GRAMD1B: variants seen among roughly 807,000 people sequenced by gnomAD.
The protein encoded by GRAMD1B is GRAM domain containing 1B.
GRAMD1B carries 37 observed loss-of-function variants against 99.7 expected under a neutral mutation model. The observed-to-expected ratio is 0.37, with a 90% confidence interval of 0.29 to 0.49. GRAMD1B has a LOEUF of 0.49. GRAMD1B is among the 20% of genes least tolerant of loss of function. GRAMD1B has a pLI of 0.98. For synonymous variants in GRAMD1B, 427 were observed against 387.6 expected (o/e 1.10, Z -1.19); for missense variants, 888 against 1,009.2 (o/e 0.88, Z 1.63).
chr11:123,455,600 T>C (rs997451823), intron 1 of GRAMD1B, among the ~76,000 whole-genome samples: 1 of 152,220 alleles, frequency 6.6e-6, no homozygotes. Context: ...TGGAGTGATC[T>C]GCATGGATTC....
chr11:123,373,903 A>G (rs1338289239), intron 1 of GRAMD1B, among the ~76,000 whole-genome samples: 4 of 152,178 alleles, frequency 2.6e-5, no homozygotes, highest in Admixed American at 6.5e-5. Flanking sequence ...TTTGCTAATT[A>G]TTTGGCTCTC....
rs150602476 is a variant in GRAMD1B at position 123,625,675 on chromosome 11, A to C, written c.*3080A>C. 5.8e-4 allele frequency: 89 copies of C among 152,542 alleles called. No homozygotes were observed. Among genetic ancestry groups the C allele is most frequent in the African/African-American group, 2.0e-3 (83 of 41,554 alleles). The allele number at this position is 152,542 out of a possible 1,614,324, so 9.4% of individuals were successfully genotyped here. ...AAGTCACTCCCCCTCTCTGAGCTTC[A>C]GTATCCTCCTGTCACAGGAGGGAGT... On this transcript the variant is annotated 3_prime_UTR_variant, in exon 20 of 20. Coordinates refer to ENST00000635736, the MANE Select transcript of GRAMD1B (RefSeq NM_001387025.1).
intron 1 of GRAMD1B, among the ~76,000 whole-genome samples, chr11:123,462,222 C>T (rs892351825): frequency 1.2e-4 from 19 of 152,198 alleles, no homozygotes; most frequent in Non-Finnish European, 2.4e-4. Context: ...CCGCCTTGGC[C>T]TCCCAAAGTG....
intron 1 of GRAMD1B, among the ~76,000 whole-genome samples, chr11:123,466,612 A>G (rs1306285246): frequency 6.6e-6 from 1 of 152,134 alleles, no homozygotes; most frequent in Non-Finnish European, 1.5e-5. Context: ...GATACTCTGC[A>G]TTGGGAAGCA....
chr11:123,436,936 A>C (rs563541988), intron 1 of GRAMD1B, among the ~76,000 whole-genome samples: 2 of 152,132 alleles, frequency 1.3e-5, no homozygotes, highest in African/African-American at 4.8e-5. Flanking sequence ...CTGGTGTGTG[A>C]TGTTCCCCTT....
chr11:123,418,414 G>A (rs922064262), intron 1 of GRAMD1B, among the ~76,000 whole-genome samples: 6 of 152,158 alleles, frequency 3.9e-5, no homozygotes, highest in South Asian at 2.1e-4. Flanking sequence ...ACTGAACTCC[G>A]ATTCAGGGTA....
upstream of GRAMD1B, among the ~76,000 whole-genome samples, chr11:123,427,576 G>C (rs928807781): frequency 2.0e-5 from 3 of 152,160 alleles, no homozygotes; most frequent in African/African-American, 7.2e-5. Context: ...TCAAAGCAGT[G>C]CCTCATTTAT....
intron 2 of GRAMD1B, among the ~76,000 whole-genome samples, chr11:123,504,155 T>A (rs1434561516): frequency 6.6e-6 from 1 of 151,874 alleles, no homozygotes; most frequent in Non-Finnish European, 1.5e-5. Flanking sequence ...CTAAGGGAGG[T>A]GGATTTCCCT....
At chr11:123,518,479 G>C (rs1055741079) in intron 2 of GRAMD1B, among the ~76,000 whole-genome samples, 1 of 152,212 alleles carries the variant, frequency 6.6e-6, no homozygotes, top group Non-Finnish European at 1.5e-5. Flanking sequence ...TGAGGGAGGT[G>C]ATCCCAATGT....
At chr11:123,409,280 T>A (rs113828677) in intron 1 of GRAMD1B, among the ~76,000 whole-genome samples, 2,768 of 152,338 alleles carry the variant, frequency 0.018, 40 homozygotes, top group Non-Finnish European at 0.03. Context: ...TCTGGTCCTC[T>A]TTTCTCATCT....
chr11:123,425,496 C>T (rs572017415), upstream of GRAMD1B, among the ~76,000 whole-genome samples: 7 of 152,306 alleles, frequency 4.6e-5, no homozygotes, highest in East Asian at 1.9e-4. Flanking sequence ...TCTTCTTTGA[C>T]GCCTAAGCCT....
At chr11:123,394,967 T>C (rs997479713) in intron 1 of GRAMD1B, among the ~76,000 whole-genome samples, 18 of 152,184 alleles carry the variant, frequency 1.2e-4, no homozygotes, top group African/African-American at 3.9e-4. Context: ...ATCCCACCCA[T>C]GGTGGGGAGC....
chr11:123,439,509 G>A (rs755546789), intron 1 of GRAMD1B, among the ~76,000 whole-genome samples: 2 of 152,186 alleles, frequency 1.3e-5, no homozygotes, highest in African/African-American at 2.4e-5. Flanking sequence ...GTGGAAGGGA[G>A]GGATAAAGAA....
intron 2 of GRAMD1B, among the ~76,000 whole-genome samples, chr11:123,550,103 G>A (rs1400941192): frequency 6.6e-6 from 1 of 152,128 alleles, no homozygotes; most frequent in African/African-American, 2.4e-5. Context: ...GAGAAATAGG[G>A]GAAGTTCTCT....
chr11:123,406,771 A>G lies in GRAMD1B; in HGVS notation c.-176+47972A>G, dbSNP rs560403936. Among the ~76,000 whole-genome samples the G allele has an allele frequency of 9.2e-5, 14 of 152,308 alleles. No individual in the cohort carries two copies. In the East Asian group the frequency reaches 2.7e-3, roughly 29 times the overall value. ...ATTCAACTCTCTTTTAAGGGCTCTC[A>G]AGGGAGGAGATGACATTTTCTCCAA... On this transcript the variant is annotated intron_variant, in intron 1 of 20. Coordinates refer to the GRAMD1B transcript ENST00000638157.
chr11:123,438,793 A>G (rs936071364), intron 1 of GRAMD1B, among the ~76,000 whole-genome samples: 3 of 152,162 alleles, frequency 2.0e-5, no homozygotes, highest in African/African-American at 4.8e-5. Flanking sequence ...ATAGCCTCCA[A>G]TTGCTATGCT....
intron 2 of GRAMD1B, among the ~76,000 whole-genome samples, chr11:123,565,415 C>A (rs747185508): frequency 3.9e-5 from 6 of 152,204 alleles, no homozygotes; most frequent in South Asian, 2.1e-4. Context: ...ATACAAACAA[C>A]CATGACACTG....
chr11:123,385,803 C>A (rs1947035235), intron 1 of GRAMD1B, among the ~76,000 whole-genome samples: 2 of 152,178 alleles, frequency 1.3e-5, no homozygotes, highest in Admixed American at 6.5e-5. Flanking sequence ...TTATTGTGGT[C>A]ATGGGATGAG....
chr11:123,449,714 C>CTTTTTTTTTTTGTTTTTTTTTTTTTT (rs1949798435), intron 1 of GRAMD1B, among the ~76,000 whole-genome samples: 1 of 99,988 alleles, frequency 1.0e-5, no homozygotes, highest in Non-Finnish European at 2.1e-5. Context: ...CCATGCCTGG[C>CTTTTTTTTTTTGTTTTTTTTTTTTTT]TTTTTTTTTT....
Sources: gnomAD v4.1 joint callset for allele counts (sites outside exome capture counted in the v4.1 genomes callset) on GRCh38, gnomAD v4.1.1 for gene constraint, MANE v1.5 for transcripts, NCBI Gene and HGNC (gene_info 2026-07-23, HGNC 2026-07-21) for gene names.